Variants in CSGALNACT1 observed in about 807,000 individuals in gnomAD.
CSGALNACT1 encodes chondroitin sulfate N-acetylgalactosaminyltransferase 1.
Under a neutral mutation model 51.0 loss-of-function variants are expected in CSGALNACT1, and 52 were observed. The observed-to-expected ratio is 1.02, with a 90% confidence interval of 0.82 to 1.29. CSGALNACT1 has a LOEUF of 1.29. Ranked by LOEUF, CSGALNACT1 falls within the 50% of genes most tolerant of loss-of-function variation. The probability of loss-of-function intolerance (pLI) is 0.00; values close to 1 mark genes in which losing one functional copy is unlikely to be tolerated. For missense variants in CSGALNACT1, 935 were observed against 679.2 expected (o/e 1.38, Z -4.19); for synonymous variants, 341 against 254.4 (o/e 1.34, Z -3.24).
chr8:19,708,500 T>C (rs1242814445), intron 1 of CSGALNACT1, among the ~76,000 whole-genome samples: 1 of 152,074 alleles, frequency 6.6e-6, no homozygotes, highest in African/African-American at 2.4e-5. Context: ...GCCAACCAAG[T>C]GAAATAAAGC....
intron 4 of CSGALNACT1, among the ~76,000 whole-genome samples, chr8:19,465,571 C>A (rs2066482151): frequency 6.6e-6 from 1 of 152,226 alleles, no homozygotes; most frequent in Non-Finnish European, 1.5e-5. Flanking sequence ...ACAGCCCATG[C>A]ACATGTCTAT....
At chr8:19,439,763 A>G (rs2061000852) in intron 6 of CSGALNACT1, 67 bp downstream of exon 5, 4 of 1,191,818 alleles carry the variant, frequency 3.4e-6, no homozygotes, top group East Asian at 4.7e-5. Context: ...CAGAAGTTTC[A>G]GCCTTGGATG....
rs184567273 is a variant in CSGALNACT1 at position 19,739,955 on chromosome 8, T to G, written c.-297+17895A>C. Among the ~76,000 whole-genome samples, 156 of 152,338 alleles carry G rather than the reference T, an allele frequency of 1.0e-3. 2 individuals are homozygous for G. Among genetic ancestry groups the G allele is most frequent in the Admixed American group, 9.3e-3 (142 of 15,302 alleles). ...TCACATCCTGTAGACCAGCAGATAC[T>G]CAAACCAATGTTCTCTCTTTCTTAT... On this transcript the variant is annotated intron_variant, in intron 1 of 1. Coordinates refer to the CSGALNACT1 transcript ENST00000517494.
At chr8:19,523,538 G>T (rs1257952200) in intron 3 of CSGALNACT1, among the ~76,000 whole-genome samples, 2 of 151,560 alleles carry the variant, frequency 1.3e-5, no homozygotes, top group Admixed American at 6.5e-5. Context: ...CCAAAGTGGT[G>T]AGATTACAGG....
At chr8:19,528,787 T>C (rs2082201744) in intron 3 of CSGALNACT1, among the ~76,000 whole-genome samples, 1 of 152,126 alleles carries the variant, frequency 6.6e-6, no homozygotes, top group Non-Finnish European at 1.5e-5. Context: ...CTACAGAGTG[T>C]GCCTAACAGT....
intron 1 of CSGALNACT1, among the ~76,000 whole-genome samples, chr8:19,747,771 T>G (rs1212137690): frequency 6.6e-6 from 1 of 151,844 alleles, no homozygotes; most frequent in East Asian, 1.9e-4. Flanking sequence ...CAAGCTAGTT[T>G]CCTACTGTAG....
At chr8:19,662,965 C>T (rs1292607135) in intron 1 of CSGALNACT1, among the ~76,000 whole-genome samples, 2 of 152,122 alleles carry the variant, frequency 1.3e-5, no homozygotes. Context: ...GTGTCAGGCA[C>T]ATCTGTAATG....
At chr8:19,606,388 TATC>T (rs2154149020), upstream of CSGALNACT1, among the ~76,000 whole-genome samples, 1 of 152,342 alleles carries the variant, frequency 6.6e-6, no homozygotes, top group East Asian at 1.9e-4. Flanking sequence ...CTTCTAAAAT[TATC>T]ATCTTTCTCA....
intron 4 of CSGALNACT1, among the ~76,000 whole-genome samples, chr8:19,464,734 C>T (rs916013432): frequency 3.9e-5 from 6 of 152,088 alleles, no homozygotes; most frequent in Admixed American, 2.0e-4. Flanking sequence ...TGAAATAATG[C>T]CTGATGATCT....
At chr8:19,419,008 G>C (rs1301888948) in intron 7 of CSGALNACT1, among the ~76,000 whole-genome samples, 1 of 151,934 alleles carries the variant, frequency 6.6e-6, no homozygotes, top group Admixed American at 6.6e-5. Context: ...CACCACACCC[G>C]GCCAATTTTT....
chr8:19,570,199 T>C (rs1055582626), intron 3 of CSGALNACT1, among the ~76,000 whole-genome samples: 36 of 152,166 alleles, frequency 2.4e-4, no homozygotes, highest in Non-Finnish European at 3.5e-4. Flanking sequence ...AAGATTTTTG[T>C]ACTTTATGTA....
chr8:19,684,073 G>A, upstream of CSGALNACT1, among the ~76,000 whole-genome samples: 1 of 152,190 alleles, frequency 6.6e-6, no homozygotes, highest in Non-Finnish European at 1.5e-5. Context: ...GGCTGAAGCA[G>A]GAGAATCGTA....
chr8:19,475,133 C>G (rs6586837), intron 4 of CSGALNACT1, among the ~76,000 whole-genome samples: 117,920 of 152,052 alleles, frequency 0.78, 46,039 homozygotes, highest in East Asian at 0.87. Flanking sequence ...GTAGAGCAGG[C>G]ACACTTAACA....
At chr8:19,469,500 T>G (rs1346022126) in intron 4 of CSGALNACT1, among the ~76,000 whole-genome samples, 1 of 152,180 alleles carries the variant, frequency 6.6e-6, no homozygotes, top group Non-Finnish European at 1.5e-5. Context: ...TAAGACAGCC[T>G]GGGATAGATT....
In CSGALNACT1 at chr8:19,519,698, G is replaced by A. The variant is rs545770874; in HGVS notation, c.-296-13568C>T. 3.9e-5 allele frequency among the ~76,000 whole-genome samples: 6 copies of A among 152,304 alleles called. No individual in the cohort carries two copies. The South Asian group carries it at 1.0e-3, about 26-fold the overall frequency. ...CAGGCTCCCCTGGGTGAGACACTCT[G>A]CTTTGGTGCCAAAAGTGACAAACTA... On this transcript the variant is annotated intron_variant, in intron 3 of 9. Transcript: ENST00000454498.
chr8:19,596,405 G>A (rs1362936722), intron 2 of CSGALNACT1, among the ~76,000 whole-genome samples: 1 of 152,116 alleles, frequency 6.6e-6, no homozygotes, highest in East Asian at 1.9e-4. Flanking sequence ...AAACCCTGGA[G>A]TGTGTCACGC....
At chr8:19,678,953 G>GT (rs1411272745) in intron 1 of CSGALNACT1, 9 of 152,160 alleles carry the variant, frequency 5.9e-5, no homozygotes, top group Admixed American at 2.6e-4. Context: ...GAGCTTGACT[G>GT]TCTCCTCTGG....
chr8:19,405,570 G>A (rs1343682641), exon 10 of CSGALNACT1: 3 of 708,288 alleles, frequency 4.2e-6, no homozygotes, highest in Non-Finnish European at 7.6e-6. Context: ...ACACTTCACA[G>A]GGTGCAACTG....
At chr8:19,675,805 AACCTCC>A (rs1378543534) in intron 1 of CSGALNACT1, among the ~76,000 whole-genome samples, 4 of 151,964 alleles carry the variant, frequency 2.6e-5, no homozygotes, top group Non-Finnish European at 4.4e-5. Context: ...TCTATATATG[AACCTCC>A]ACCCCACTCT....
Sources: allele counts gnomAD v4.1 joint callset (sites outside exome capture counted in the v4.1 genomes callset), GRCh38; gene constraint gnomAD v4.1.1; transcripts MANE v1.5; gene names NCBI Gene and HGNC (gene_info 2026-07-23, HGNC 2026-07-21).